The following BACH2 variants were observed in gnomAD, a reference collection of about 807,000 sequenced individuals.
BACH2 encodes BACH transcriptional regulator 2.
BACH2 carries 5 observed loss-of-function variants against 61.8 expected under a neutral mutation model. The observed-to-expected ratio is 0.08, with a 90% CI of 0.04 to 0.17. BACH2 has a LOEUF of 0.17. Ranked by LOEUF, BACH2 falls within the 10% of genes least tolerant of loss-of-function variation. The pLI is 1.00. For missense variants in BACH2, 824 were observed against 1,091.1 expected (o/e 0.76, Z 3.45); for synonymous variants, 446 against 440.1 (o/e 1.01, Z -0.17).
chr6:89,979,276 G>A (rs113239558), intron 6 of BACH2, among the ~76,000 whole-genome samples: 2,840 of 152,226 alleles, frequency 0.019, 95 homozygotes, highest in African/African-American at 0.065. Context: ...CCTGCCTCTA[G>A]AACTTTGCTA....
At position 90,208,388 on chromosome 6, in the gene BACH2, CA is replaced by C. The variant is rs1323269853; in HGVS notation, c.-274-1708del. Reference sequence around the variant, plus strand: ...AAAAACAACCCCATCAAAAAGTGGGCAAAGGATATAGACAGACACTTCTCAA... The same window carrying C: ...AAAAACAACCCCATCAAAAAGTGGGCAAGGATATAGACAGACACTTCTCAA... On this transcript the variant is annotated intron_variant, in intron 3 of 8. Coordinates refer to ENST00000257749, the MANE Select transcript of BACH2 (RefSeq NM_021813.4). Among the ~76,000 whole-genome samples, 5 of 152,256 alleles carry C rather than the reference CA, an allele frequency of 3.3e-5. No homozygotes were observed. In the East Asian group the frequency reaches 9.6e-4, roughly 29 times the overall value.
At chr6:90,021,299 T>TAAAAAAAAAAAAAAAAA (rs200724602) in intron 5 of BACH2, among the ~76,000 whole-genome samples, 1 of 100,240 alleles carries the variant, frequency 1.0e-5, no homozygotes. Flanking sequence ...AGCAAAAAAG[T>TAAAAAAAAAAAAAAAAA]AAAAAAAAAA....
chr6:90,065,535 C>T (rs774434044), intron 5 of BACH2, among the ~76,000 whole-genome samples: 30 of 151,946 alleles, frequency 2.0e-4, no homozygotes, highest in African/African-American at 2.7e-4. Flanking sequence ...CAGCCATAGA[C>T]GATATGGGAG....
chr6:90,221,113 G>C (rs1769719973), intron 3 of BACH2, among the ~76,000 whole-genome samples: 1 of 152,154 alleles, frequency 6.6e-6, no homozygotes, highest in Non-Finnish European at 1.5e-5. Flanking sequence ...TTTAGGAATA[G>C]AACAGTAGCT....
chr6:90,025,486 CT>C (rs1778589592), intron 5 of BACH2, among the ~76,000 whole-genome samples: 1 of 152,170 alleles, frequency 6.6e-6, no homozygotes, highest in Non-Finnish European at 1.5e-5. Context: ...TCTCTGCTTC[CT>C]ATTAGCATGT....
chr6:89,962,727 T>C (rs1388110727), intron 6 of BACH2, among the ~76,000 whole-genome samples: 1 of 152,198 alleles, frequency 6.6e-6, no homozygotes, highest in Non-Finnish European at 1.5e-5. Flanking sequence ...AACATAAAAA[T>C]CTGTTTAAAA....
intron 4 of BACH2, among the ~76,000 whole-genome samples, chr6:90,177,641 C>A (rs1195763256): frequency 6.6e-6 from 1 of 152,114 alleles, no homozygotes; most frequent in Non-Finnish European, 1.5e-5. Context: ...CCAACTTACA[C>A]CCTGGGTTGA....
chr6:90,161,702 T>A (rs1785197754), intron 4 of BACH2, among the ~76,000 whole-genome samples: 1 of 151,960 alleles, frequency 6.6e-6, no homozygotes, highest in African/African-American at 2.4e-5. Flanking sequence ...GGAAAAAAAA[T>A]ATCAGAATGC....
intron 5 of BACH2, among the ~76,000 whole-genome samples, chr6:90,052,316 T>C (rs963005464): frequency 3.9e-5 from 6 of 152,246 alleles, no homozygotes; most frequent in African/African-American, 1.4e-4. Context: ...CATGTTTTGA[T>C]GCAATATAGA....
At position 90,008,841 on chromosome 6, in the gene BACH2, A is replaced by T; in HGVS notation, c.4T>A (p.Ser2Thr). M[S>T]VDEKPDSPMY... is the part of the protein sequence containing the mutation. Reference sequence around the variant, plus strand: ...GGGGAGTCAGGCTTCTCATCCACAGACATGCCGTTCACACCCTGAAAGAAA... The same window carrying T: ...GGGGAGTCAGGCTTCTCATCCACAGTCATGCCGTTCACACCCTGAAAGAAA... Residue 2 changes from serine to threonine, a missense_variant, in exon 6 of 9, where the codon TCT becomes ACT. This residue lies in a region of BACH2 where 66 missense variants were observed against 144.8 expected (regional missense o/e 0.46). Transcript: ENST00000257749. The surrounding 1 kb of genome is among the most constrained non-coding windows in gnomAD (Gnocchi z 4.1). The T allele has an allele frequency of 6.2e-7, 1 of 1,614,016 alleles. No homozygotes were observed.
chr6:90,250,400 A>G (rs981602749), intron 3 of BACH2, among the ~76,000 whole-genome samples: 1 of 152,238 alleles, frequency 6.6e-6, no homozygotes, highest in Admixed American at 6.5e-5. Flanking sequence ...TCAACTTTCC[A>G]TGTATACTTA....
At chr6:89,988,388 G>A (rs1776356552) in intron 6 of BACH2, among the ~76,000 whole-genome samples, 1 of 152,120 alleles carries the variant, frequency 6.6e-6, no homozygotes, top group Admixed American at 6.6e-5. Context: ...ATGGACAGCA[G>A]CCTGCCCCAT....
At chr6:90,235,972 G>T (rs1770249355) in intron 3 of BACH2, among the ~76,000 whole-genome samples, 1 of 152,196 alleles carries the variant, frequency 6.6e-6, no homozygotes, top group Admixed American at 6.5e-5. Context: ...CTCTCAAAAA[G>T]AACTAATAAA....
chr6:90,285,484 C>T (rs1771992326), intron 1 of BACH2, among the ~76,000 whole-genome samples: 1 of 152,170 alleles, frequency 6.6e-6, no homozygotes, highest in African/African-American at 2.4e-5. Flanking sequence ...ATTCCCTTTT[C>T]ATTTATTATC....
rs115589972 is a variant in BACH2, at chr6:89,938,895, G to A, written c.1837-545C>T. On this transcript the variant is annotated intron_variant, in intron 7 of 8. Coordinates refer to ENST00000257749, the MANE Select transcript of BACH2 (RefSeq NM_021813.4). ...GCATATAGTAGGAGTCAAAAGAACC[G>A]GGCTTTCATCCTTCTCACCAGACAT... is the stretch of plus-strand genomic sequence containing the variant. Among the ~76,000 whole-genome samples the A allele has an allele frequency of 1.1e-3, 166 of 152,194 alleles. 1 individual carries two copies. The highest frequency in any genetic ancestry group is 3.8e-3 in the African/African-American group (157 of 41,510).
chr6:89,974,136 T>C (rs1775520274), intron 6 of BACH2, among the ~76,000 whole-genome samples: 1 of 152,164 alleles, frequency 6.6e-6, no homozygotes, highest in South Asian at 2.1e-4. Context: ...GACATTTGCA[T>C]CTTTAGTGAG....
At chr6:90,226,815 A>G (rs989974954) in intron 3 of BACH2, among the ~76,000 whole-genome samples, 3 of 152,140 alleles carry the variant, frequency 2.0e-5, no homozygotes, top group Non-Finnish European at 4.4e-5. Flanking sequence ...TAATATATTA[A>G]CTTCATTTAG....
intron 4 of BACH2, among the ~76,000 whole-genome samples, chr6:90,200,129 C>G (rs571417449): frequency 6.6e-6 from 1 of 152,330 alleles, no homozygotes; most frequent in South Asian, 2.1e-4. Context: ...ATGTCACAGT[C>G]TCTTTAAACA....
In BACH2 at chr6:90,228,688, G is replaced by C. The variant is rs886499777; in HGVS notation, c.-274-22007C>G. 2.0e-5 allele frequency among the ~76,000 whole-genome samples: 3 copies of C among 152,148 alleles called. No individual in the cohort carries two copies. The East Asian group carries it at 5.8e-4, about 29-fold the overall frequency. ...CAGGAGGTGGAGGGGGCAGTGAGCCGAGATGGCACCACTGCACTCCAGCCT... is the reference window on the plus strand; with the variant it reads ...CAGGAGGTGGAGGGGGCAGTGAGCCCAGATGGCACCACTGCACTCCAGCCT... On this transcript the variant is annotated intron_variant, in intron 3 of 8. Coordinates refer to ENST00000257749, the MANE Select transcript of BACH2 (RefSeq NM_021813.4).
Sources: gnomAD v4.1 joint callset for allele counts (sites outside exome capture counted in the v4.1 genomes callset) on GRCh38, gnomAD v4.1.1 for gene constraint, gnomAD v4.1.1 regional missense constraint, Gnocchi (gnomAD v3.1) non-coding constraint, MANE v1.5 for transcripts, NCBI Gene and HGNC (gene_info 2026-07-23, HGNC 2026-07-21) for gene names.